Variants in KLHL29 observed in about 807,000 individuals in gnomAD.
KLHL29 encodes kelch-like protein 29.
In KLHL29, 21 loss-of-function variants were observed where a neutral mutation model predicts 80.4. The observed-to-expected ratio is 0.26, with a 90% CI of 0.19 to 0.38. KLHL29 has a LOEUF of 0.38. Among genes scored for constraint, KLHL29 ranks in the 10% least tolerant of loss-of-function variants. The pLI, the probability that KLHL29 is intolerant of heterozygous loss-of-function variation, is 1.00. For missense variants in KLHL29, 867 were observed against 1,223.9 expected (o/e 0.71, Z 4.35); for synonymous variants, 511 against 526.8 (o/e 0.97, Z 0.41).
intron 2 of KLHL29, among the ~76,000 whole-genome samples, chr2:23,539,069 A>G (rs930496508): frequency 6.6e-6 from 1 of 152,258 alleles, no homozygotes; most frequent in Non-Finnish European, 1.5e-5. Flanking sequence ...AAATTTTGCT[A>G]GAAGCTAATC....
At chr2:23,653,589 T>C (rs1328037850) in intron 5 of KLHL29, among the ~76,000 whole-genome samples, 1 of 152,132 alleles carries the variant, frequency 6.6e-6, no homozygotes, top group East Asian at 1.9e-4. Context: ...GGCCGAGTCA[T>C]ACATGACGCA....
intron 3 of KLHL29, among the ~76,000 whole-genome samples, chr2:23,593,670 T>A (rs924960958): frequency 6.6e-6 from 1 of 152,200 alleles, no homozygotes; most frequent in Admixed American, 6.5e-5. Context: ...CCAGGGAGCC[T>A]GCTCCCATCT....
At position 23,680,739 on chromosome 2, in the gene KLHL29, TG is replaced by T. The variant is rs985001936; in HGVS notation, c.941-3656del. Among the ~76,000 whole-genome samples, 3 of 147,064 alleles carry T rather than the reference TG, an allele frequency of 2.0e-5. No individual in the cohort carries two copies. Among genetic ancestry groups the T allele is most frequent in the Admixed American group, 1.3e-4 (2 of 14,862 alleles). On this transcript the variant is annotated intron_variant, in intron 5 of 13. Transcript: ENST00000486442. The surrounding 1 kb of genome is among the most constrained non-coding windows in gnomAD (Gnocchi z 4.1). ...CTGGGGTCTCTAGGCCATCTTCCCC[TG>T]GGGTCTCTAGGCCATCTTCTCCTGG...
chr2:23,515,887 T>C (rs952668878), intron 2 of KLHL29, among the ~76,000 whole-genome samples: 1 of 152,208 alleles, frequency 6.6e-6, no homozygotes, highest in Admixed American at 6.5e-5. Context: ...AGTGAGTTAG[T>C]GGGCACAGAA....
intron 2 of KLHL29, among the ~76,000 whole-genome samples, chr2:23,476,410 G>A (rs1664643117): frequency 2.0e-5 from 3 of 152,114 alleles, no homozygotes; most frequent in Non-Finnish European, 4.4e-5. Flanking sequence ...TTATAATCCT[G>A]TTCCCCAGAG....
At chr2:23,387,453 T>C (rs1400510840) in intron 1 of KLHL29, among the ~76,000 whole-genome samples, 3 of 152,104 alleles carry the variant, frequency 2.0e-5, no homozygotes, top group Non-Finnish European at 4.4e-5. Context: ...ATTTGAGGAA[T>C]TGCTTCATTT....
chr2:23,409,903 A>G (rs997538078), intron 1 of KLHL29, among the ~76,000 whole-genome samples: 11 of 152,228 alleles, frequency 7.2e-5, no homozygotes, highest in Non-Finnish European at 1.3e-4. Flanking sequence ...TAAAGAAATG[A>G]TAAGCTTAGC....
At chr2:23,476,613 G>C (rs1353586695) in intron 2 of KLHL29, among the ~76,000 whole-genome samples, 1 of 152,166 alleles carries the variant, frequency 6.6e-6, no homozygotes, top group Non-Finnish European at 1.5e-5. Flanking sequence ...GGATATAATA[G>C]CATACATGAT....
intron 1 of KLHL29, among the ~76,000 whole-genome samples, chr2:23,417,867 C>A (rs776653177): frequency 6.6e-6 from 1 of 152,208 alleles, no homozygotes; most frequent in Non-Finnish European, 1.5e-5. Flanking sequence ...CCACCCTCTA[C>A]TGAGGCTGTG....
intron 1 of KLHL29, among the ~76,000 whole-genome samples, chr2:23,418,202 C>T (rs1662654712): frequency 6.6e-6 from 1 of 152,198 alleles, no homozygotes; most frequent in African/African-American, 2.4e-5. Flanking sequence ...TTCCACCTGC[C>T]CTCCTGCCTG....
chr2:23,505,033 C>T (rs759333205), intron 2 of KLHL29, among the ~76,000 whole-genome samples: 1 of 152,234 alleles, frequency 6.6e-6, no homozygotes, highest in Admixed American at 6.5e-5. Flanking sequence ...CTCACCTTCC[C>T]GCTGGGAACA....
chr2:23,468,013 T>C (rs1054862680), intron 1 of KLHL29, among the ~76,000 whole-genome samples: 7 of 152,036 alleles, frequency 4.6e-5, no homozygotes, highest in African/African-American at 1.7e-4. Context: ...TGTTCTTCAA[T>C]GAGCAGGCAT....
chr2:23,403,253 A>G (rs1164636411), intron 1 of KLHL29, among the ~76,000 whole-genome samples: 1 of 152,216 alleles, frequency 6.6e-6, no homozygotes, highest in Non-Finnish European at 1.5e-5. Context: ...AGTGAGCAGT[A>G]TGTGTTTACG....
intron 1 of KLHL29, among the ~76,000 whole-genome samples, chr2:23,405,403 A>G (rs1666699497): frequency 6.6e-6 from 1 of 152,256 alleles, no homozygotes. Context: ...AAAACAATGC[A>G]TGTTTTAACA....
chr2:23,648,015 C>T (rs1173114224), intron 5 of KLHL29, among the ~76,000 whole-genome samples: 3 of 152,152 alleles, frequency 2.0e-5, no homozygotes, highest in East Asian at 3.9e-4. Flanking sequence ...TCTGTGACTT[C>T]CCCTTCCCTT....
intron 3 of KLHL29, among the ~76,000 whole-genome samples, chr2:23,591,346 C>T (rs556593468): frequency 1.3e-5 from 2 of 152,130 alleles, no homozygotes; most frequent in Non-Finnish European, 2.9e-5. Flanking sequence ...TGTCCTGTCC[C>T]GTCCCAGGCC....
intron 2 of KLHL29, among the ~76,000 whole-genome samples, chr2:23,476,321 A>G (rs1664640669): frequency 6.6e-6 from 1 of 152,092 alleles, no homozygotes; most frequent in Non-Finnish European, 1.5e-5. Flanking sequence ...ATTAAAATGT[A>G]TTATTAAATA....
intron 1 of KLHL29, among the ~76,000 whole-genome samples, chr2:23,472,865 C>T (rs1356905225): frequency 2.6e-5 from 4 of 152,184 alleles, no homozygotes; most frequent in Non-Finnish European, 4.4e-5. Flanking sequence ...CAGGGTCTTG[C>T]TTTTAACCCT....
chr2:23,614,874 G>T (rs1369847557), intron 3 of KLHL29, among the ~76,000 whole-genome samples: 1 of 152,182 alleles, frequency 6.6e-6, no homozygotes, highest in Non-Finnish European at 1.5e-5. Flanking sequence ...GGAAGATGTG[G>T]GCTGTAAGCC....
Sources: allele counts gnomAD v4.1 joint callset (sites outside exome capture counted in the v4.1 genomes callset), GRCh38; gene constraint gnomAD v4.1.1; non-coding constraint Gnocchi (gnomAD v3.1); transcripts MANE v1.5; gene names NCBI Gene and HGNC (gene_info 2026-07-23, HGNC 2026-07-21).